TENM1: variants seen among roughly 807,000 people sequenced by gnomAD.
TENM1 encodes the protein teneurin transmembrane protein 1, also known as teneurin-1.
In TENM1, 35 loss-of-function variants were observed where a neutral mutation model predicts 174.8. The ratio of observed to expected loss-of-function variants is 0.20; its 90% confidence interval spans 0.15 to 0.27. TENM1 has a LOEUF of 0.27. Among genes scored for constraint, TENM1 ranks in the 10% least tolerant of loss-of-function variants. The pLI, the probability that TENM1 is intolerant of heterozygous loss-of-function variation, is 1.00. For missense variants in TENM1, 1,633 were observed against 2,130.1 expected (o/e 0.77, Z 4.59); for synonymous variants, 781 against 798.7 (o/e 0.98, Z 0.37).
At chrX:125,058,986 AT>A in the TENM1 span, among the ~76,000 whole-genome samples, 13 of 88,658 alleles carry the variant, frequency 1.5e-4, no homozygotes, top group African/African-American at 2.2e-4. Flanking sequence ...TTTCATCATC[AT>A]CACACACACA....
intron 25 of TENM1, among the ~76,000 whole-genome samples, chrX:124,419,084 C>T (rs1395682135): frequency 1.8e-5 from 2 of 111,676 alleles, no homozygotes; most frequent in African/African-American, 3.3e-5. Flanking sequence ...TTTAGCTAAC[C>T]GTAGCTTTTA....
At chrX:124,426,466 G>A (rs1265665020) in intron 23 of TENM1, among the ~76,000 whole-genome samples, 1 of 112,177 alleles carries the variant, frequency 8.9e-6, no homozygotes, top group Non-Finnish European at 1.9e-5. Flanking sequence ...CAAGCAATCA[G>A]TAATGAAGTG....
chrX:124,930,644 G>A (rs894141422), intron 1 of TENM1, among the ~76,000 whole-genome samples: 1 of 111,824 alleles, frequency 8.9e-6, no homozygotes, highest in African/African-American at 3.3e-5. Context: ...TGCTTCTTTT[G>A]TACCTTACCA....
At chrX:124,894,893 C>T (rs1383672968) in intron 2 of TENM1, among the ~76,000 whole-genome samples, 2 of 111,378 alleles carry the variant, frequency 1.8e-5, no homozygotes, top group African/African-American at 3.3e-5. Context: ...TTCTCATTTC[C>T]GTACGTTACT....
intron 4 of TENM1, among the ~76,000 whole-genome samples, chrX:124,725,036 C>G (rs2053414611): frequency 9.0e-6 from 1 of 111,387 alleles, no homozygotes; most frequent in Non-Finnish European, 1.9e-5. Flanking sequence ...TGATCTTGGA[C>G]TTCCCAGCCT....
intron 11 of TENM1, among the ~76,000 whole-genome samples, chrX:124,585,574 A>G (rs1011598838): frequency 1.8e-5 from 2 of 111,722 alleles, no homozygotes; most frequent in East Asian, 2.8e-4. Flanking sequence ...AATGCCCACA[A>G]GAGAAAGCAG....
chrX:125,000,941 T>C, the TENM1 span, among the ~76,000 whole-genome samples: 3 of 110,881 alleles, frequency 2.7e-5, no homozygotes, highest in East Asian at 2.8e-4. Context: ...TGTTTTTTTT[T>C]CCCATTTGTT....
intron 11 of TENM1, among the ~76,000 whole-genome samples, chrX:124,639,511 G>A (rs2050959842): frequency 1.8e-5 from 2 of 111,736 alleles, no homozygotes; most frequent in African/African-American, 6.5e-5. Flanking sequence ...TATATGTGGT[G>A]AGTTAGATAA....
intron 27 of TENM1, among the ~76,000 whole-genome samples, chrX:124,392,803 A>G (rs1183989709): frequency 8.9e-6 from 1 of 111,857 alleles, no homozygotes; most frequent in Non-Finnish European, 1.9e-5. Flanking sequence ...ACTTATACAG[A>G]TTCCCTTCTT....
chrX:124,444,749 T>C (rs1183164565), intron 23 of TENM1, among the ~76,000 whole-genome samples: 1 of 111,238 alleles, frequency 9.0e-6, no homozygotes, highest in Non-Finnish European at 1.9e-5. Flanking sequence ...ATCTGGATTA[T>C]TTTATTCATT....
In TENM1 at chrX:124,422,609, T is replaced by G. The variant is rs144694853; in HGVS notation, c.4134A>C (p.Ala1378=). The change falls in exon 24 of 32, where the codon GCA becomes GCC. Residue 1378 remains alanine (A), a synonymous_variant. Coordinates refer to ENST00000422452, the Ensembl canonical transcript of TENM1. ...ACAATGAATTGTCCATAGGATTTAC[T>G]GCAAGGTCTGTTGGCCACTCTAATC... The G allele has an allele frequency of 9.1e-4, 1,094 of 1,208,061 alleles. 10 individuals are homozygous for G. The African/African-American group carries it at 0.016, about 18-fold the overall frequency.
intron 1 of TENM1, among the ~76,000 whole-genome samples, chrX:124,905,697 C>A (rs1261307345): frequency 9.0e-6 from 1 of 111,176 alleles, no homozygotes; most frequent in Non-Finnish European, 1.9e-5. Context: ...GCTGGTAGTG[C>A]GGGAAGGCCA....
the TENM1 span, among the ~76,000 whole-genome samples, chrX:125,033,784 A>C: frequency 9.2e-6 from 1 of 108,866 alleles, no homozygotes; most frequent in Non-Finnish European, 1.9e-5. Flanking sequence ...GCAGAAGAAA[A>C]ATTTACTTTG....
the TENM1 span, among the ~76,000 whole-genome samples, chrX:124,986,632 TTTTG>T: frequency 7.9e-3 from 873 of 110,990 alleles, 6 homozygotes; most frequent in African/African-American, 0.026. Flanking sequence ...AGGACTTCTT[TTTTG>T]TTTGTTTGTT....
At chrX:124,397,297 T>C (rs1475096306) in intron 27 of TENM1, among the ~76,000 whole-genome samples, 1 of 112,379 alleles carries the variant, frequency 8.9e-6, no homozygotes, top group East Asian at 2.8e-4. Context: ...TTGTACTACG[T>C]TGATCTAAAG....
At chrX:125,168,774 G>T in the TENM1 span, among the ~76,000 whole-genome samples, 1 of 111,473 alleles carries the variant, frequency 9.0e-6, no homozygotes, top group Non-Finnish European at 1.9e-5. Context: ...TGAGGGAGTT[G>T]AAAGTGGACA....
At chrX:124,972,977 G>A in the TENM1 span, among the ~76,000 whole-genome samples, 1 of 112,163 alleles carries the variant, frequency 8.9e-6, no homozygotes, top group Non-Finnish European at 1.9e-5. Flanking sequence ...CTGGACACTG[G>A]AAAGTCCAGG....
chrX:124,736,469 AT>A (rs1429382646), intron 4 of TENM1, among the ~76,000 whole-genome samples: 3 of 110,803 alleles, frequency 2.7e-5, no homozygotes, highest in African/African-American at 9.8e-5. Flanking sequence ...ATATACTTCC[AT>A]TACATGAGGC....
intron 11 of TENM1, among the ~76,000 whole-genome samples, chrX:124,597,071 G>T (rs945649450): frequency 6.3e-5 from 7 of 111,412 alleles, no homozygotes; most frequent in Admixed American, 3.8e-4. Flanking sequence ...TTACACTGCT[G>T]GTGGGAATGT....
Sources: allele counts gnomAD v4.1 joint callset (sites outside exome capture counted in the v4.1 genomes callset), GRCh38; gene constraint gnomAD v4.1.1; transcripts MANE v1.5; gene names NCBI Gene and HGNC (gene_info 2026-07-23, HGNC 2026-07-21).